Variants in DHRS7B observed in about 807,000 individuals in gnomAD.
The protein encoded by DHRS7B is dehydrogenase/reductase 7B.
DHRS7B carries 24 observed loss-of-function variants against 26.4 expected under a neutral mutation model. The ratio of observed to expected loss-of-function variants is 0.91; its 90% CI spans 0.66 to 1.28. DHRS7B has a LOEUF of 1.28. DHRS7B is among the 50% of genes most tolerant of loss of function. The pLI is 0.00. For synonymous variants in DHRS7B, 142 were observed against 166.4 expected, an observed-to-expected ratio of 0.85 and a Z score of 1.13; for missense variants, 368 against 419.4, an observed-to-expected ratio of 0.88 and a Z score of 1.07.
At chr17:21,179,004 G>A (rs1974453219) in intron 3 of DHRS7B, among the ~76,000 whole-genome samples, 1 of 152,168 alleles carries the variant, frequency 6.6e-6, no homozygotes, top group Non-Finnish European at 1.5e-5. Context: ...GAGTGCAGTG[G>A]CACAGTCATA....
chr17:21,184,561 A>G (rs1974588645), intron 5 of DHRS7B, 98 bp downstream of exon 5: 7 of 1,247,710 alleles, frequency 5.6e-6, no homozygotes, highest in South Asian at 4.2e-5. Flanking sequence ...CATTGTAGAA[A>G]TAAACTATCC....
At chr17:21,185,753 T>C (rs977179242) in intron 5 of DHRS7B, among the ~76,000 whole-genome samples, 2 of 152,036 alleles carry the variant, frequency 1.3e-5, no homozygotes, top group African/African-American at 4.8e-5. Context: ...AGTAGTGCGA[T>C]CTCGGCTCAC....
At position 21,127,017 on chromosome 17, in the gene DHRS7B, C is replaced by G. The variant is rs757812575; in HGVS notation, c.20+26C>G. ...GTAGGGGCTGGGGAAGAAGGAACCT[C>G]CGAGATGAGGCGATAGGGTCTGGCC... On this transcript the variant is annotated intron_variant, in intron 1 of 6. Transcript: ENST00000395511. 2.0e-5 allele frequency: 30 copies of G among 1,512,964 alleles called. No individual in the cohort carries two copies. The Admixed American group carries it at 6.6e-4, about 33-fold the overall frequency. 93.7% of individuals were successfully genotyped at this position (1,512,964 alleles called of 1,614,324 possible). A position where few individuals can be genotyped will look rare whatever the true frequency, so the allele number is the denominator to read the frequency against.
intron 3 of DHRS7B, among the ~76,000 whole-genome samples, chr17:21,180,964 T>C (rs184782685): frequency 6.6e-5 from 10 of 152,364 alleles, no homozygotes. Flanking sequence ...AACTTACATC[T>C]TCTTTAATTT....
At chr17:21,162,121 T>G (rs1036619068) in intron 1 of DHRS7B, among the ~76,000 whole-genome samples, 2 of 151,912 alleles carry the variant, frequency 1.3e-5, no homozygotes, top group African/African-American at 2.4e-5. Context: ...TGATGATTTA[T>G]CTAACTTTGT....
intron 5 of DHRS7B, among the ~76,000 whole-genome samples, chr17:21,186,502 C>T (rs943432530): frequency 6.6e-6 from 1 of 152,260 alleles, no homozygotes; most frequent in Non-Finnish European, 1.5e-5. Flanking sequence ...ATCCAGCCCC[C>T]AGCAACTGTG....
chr17:21,170,410 T>C (rs1246693482), intron 1 of DHRS7B, among the ~76,000 whole-genome samples: 1 of 152,178 alleles, frequency 6.6e-6, no homozygotes, highest in Non-Finnish European at 1.5e-5. Context: ...ATGGTACCAG[T>C]AGTGCCTGGT....
chr17:21,169,283 C>T (rs1447170588), intron 1 of DHRS7B, among the ~76,000 whole-genome samples: 1 of 152,216 alleles, frequency 6.6e-6, no homozygotes. Flanking sequence ...GAAAGAACCA[C>T]ACTTCACAAG....
At chr17:21,171,864 G>A (rs1220416790) in intron 1 of DHRS7B, 154 bp from the exon 2 acceptor site, 5 of 911,702 alleles carry the variant, frequency 5.5e-6, no homozygotes, top group Non-Finnish European at 8.9e-6. Flanking sequence ...ACAGTCGGCC[G>A]AGGGTGCAGG....
chr17:21,137,478 A>G (rs1386793194), intron 1 of DHRS7B, among the ~76,000 whole-genome samples: 1 of 142,730 alleles, frequency 7.0e-6, no homozygotes, highest in African/African-American at 2.6e-5. Flanking sequence ...TTTTTTTGAG[A>G]TGAAGTTTTG....
At chr17:21,169,039 C>CCG in intron 1 of DHRS7B, 1 of 491,968 alleles carries the variant, frequency 2.0e-6, no homozygotes, top group African/African-American at 2.1e-5. Flanking sequence ...CTGCTCCTCC[C>CCG]TGGGTGTGAA....
chr17:21,166,540 C>CAAA, intron 1 of DHRS7B: 1 of 646,668 alleles, frequency 1.5e-6, no homozygotes, highest in Non-Finnish European at 1.9e-6. Flanking sequence ...CATTTGAGAC[C>CAAA]AAAAAAAAAA....
At position 21,188,819 on chromosome 17, in the gene DHRS7B, A is replaced by G. The variant is rs1397409997; in HGVS notation, c.728A>G (p.Asn243Ser). The G allele has an allele frequency of 1.2e-6, 2 of 1,613,910 alleles. No homozygotes were observed. The highest frequency in any genetic ancestry group is 2.7e-5 in the African/African-American group (2 of 74,848). The change falls in exon 6 of 7, where the codon AAC becomes AGC. Residue 243 changes from asparagine to serine, a missense_variant. Physicochemically the swap from Asn to Ser is conservative, Grantham distance 46. Transcript: ENST00000395511. The part of the protein sequence containing the change: ...TVISPGYIHT[N>S]LSVNAITADG... ...ATCAGCCCCGGCTACATCCACACCA[A>G]CCTCTCTGTAAATGCCATCACCGCG...
intron 1 of DHRS7B, among the ~76,000 whole-genome samples, chr17:21,140,531 CACACACACCCTG>C (rs2143916414): frequency 6.6e-6 from 1 of 150,670 alleles, no homozygotes; most frequent in East Asian, 2.0e-4. Flanking sequence ...CACACACACA[CACACACACCCTG>C]ACACCCTATA....
intron 1 of DHRS7B, among the ~76,000 whole-genome samples, chr17:21,131,336 G>A (rs564320049): frequency 1.3e-5 from 2 of 152,312 alleles, no homozygotes; most frequent in South Asian, 2.1e-4. Context: ...GGTAATTCCC[G>A]GAACTGAGAG....
At chr17:21,157,118 GATGAATTCTACCAA>G (rs1484433912) in intron 1 of DHRS7B, among the ~76,000 whole-genome samples, 3 of 152,064 alleles carry the variant, frequency 2.0e-5, no homozygotes, top group African/African-American at 7.2e-5. Context: ...TAGATTCACT[GATGAATTCTACCAA>G]ATAATTAAGA....
At chr17:21,144,077 A>G (rs1422689102) in intron 1 of DHRS7B, among the ~76,000 whole-genome samples, 2 of 152,096 alleles carry the variant, frequency 1.3e-5, no homozygotes, top group Non-Finnish European at 2.9e-5. Flanking sequence ...CTTTCTCATG[A>G]TCTAATTTCT....
intron 1 of DHRS7B, among the ~76,000 whole-genome samples, chr17:21,163,617 T>C (rs952267788): frequency 6.6e-6 from 1 of 152,198 alleles, no homozygotes; most frequent in Non-Finnish European, 1.5e-5. Context: ...GTGGCCTCCT[T>C]GTAGCCCTTG....
chr17:21,137,700 G>A (rs910011915), intron 1 of DHRS7B, among the ~76,000 whole-genome samples: 21 of 151,686 alleles, frequency 1.4e-4, no homozygotes, highest in Admixed American at 4.6e-4. Flanking sequence ...CAGGTGATCC[G>A]ACTGCCTCGG....
Sources: gnomAD v4.1 joint callset for allele counts (sites outside exome capture counted in the v4.1 genomes callset) on GRCh38, gnomAD v4.1.1 for gene constraint, MANE v1.5 for transcripts, NCBI Gene and HGNC (gene_info 2026-07-23, HGNC 2026-07-21) for gene names.